The following ERBB4 variants were observed in gnomAD, a reference collection of about 807,000 sequenced individuals.
ERBB4 encodes erb-b2 receptor tyrosine kinase 4.
In ERBB4, 42 loss-of-function variants were observed where a neutral mutation model predicts 158.0. That is an observed-to-expected ratio of 0.27 (90% CI 0.21 to 0.34). The LOEUF (loss-of-function observed/expected upper bound fraction) is 0.34. ERBB4 is among the 10% of genes least tolerant of loss of function. ERBB4 has a pLI of 1.00. For missense variants in ERBB4, 1,333 were observed against 1,624.1 expected (o/e 0.82, Z 3.08); for synonymous variants, 583 against 558.7 (o/e 1.04, Z -0.61).
intron 12 of ERBB4, among the ~76,000 whole-genome samples, chr2:211,700,431 TA>T (rs1553613244): frequency 2.0e-5 from 3 of 152,152 alleles, no homozygotes; most frequent in Non-Finnish European, 4.4e-5. Context: ...TGAGAATGAG[TA>T]AGAACTTAAG....
At chr2:212,030,270 G>A (rs2125347115) in intron 2 of ERBB4, among the ~76,000 whole-genome samples, 1 of 152,002 alleles carries the variant, frequency 6.6e-6, no homozygotes, top group East Asian at 1.9e-4. Flanking sequence ...CTTTATCCAG[G>A]CTTCTTCTAA....
At chr2:212,279,607 T>C (rs1203179455) in intron 1 of ERBB4, among the ~76,000 whole-genome samples, 1 of 151,624 alleles carries the variant, frequency 6.6e-6, no homozygotes, top group Non-Finnish European at 1.5e-5. Flanking sequence ...GCTAACTTTG[T>C]CTTCAGATTA....
chr2:211,611,040 T>C (rs1255874188), intron 19 of ERBB4, among the ~76,000 whole-genome samples: 1 of 152,104 alleles, frequency 6.6e-6, no homozygotes, highest in Non-Finnish European at 1.5e-5. Flanking sequence ...GCTCAAATTT[T>C]AGGATCACTA....
chr2:212,388,217 G>A (rs2090742402), intron 1 of ERBB4, among the ~76,000 whole-genome samples: 2 of 152,098 alleles, frequency 1.3e-5, no homozygotes, highest in South Asian at 4.1e-4. Context: ...AGAAGTAAAT[G>A]ATTTTCTAGT....
chr2:212,075,024 C>G (rs1051191717), intron 2 of ERBB4, among the ~76,000 whole-genome samples: 3 of 151,700 alleles, frequency 2.0e-5, no homozygotes, highest in Admixed American at 6.6e-5. Context: ...AGAATCAAAC[C>G]CAAGTATTAG....
intron 1 of ERBB4, among the ~76,000 whole-genome samples, chr2:212,155,288 T>A (rs2081000746): frequency 6.6e-6 from 1 of 151,984 alleles, no homozygotes; most frequent in Non-Finnish European, 1.5e-5. Flanking sequence ...CATATATTTA[T>A]TTAAATAATA....
At chr2:211,435,350 T>TTAAAG (rs144730826) in intron 20 of ERBB4, among the ~76,000 whole-genome samples, 1,614 of 152,274 alleles carry the variant, frequency 0.011, 34 homozygotes, top group African/African-American at 0.037. Flanking sequence ...ACAGCGGTCA[T>TTAAAG]TAAAGTAAAT....
At chr2:211,393,740 CGTGTGTGTGTGTGTGTGT>C (rs58472959) in intron 25 of ERBB4, among the ~76,000 whole-genome samples, 179 of 146,350 alleles carry the variant, frequency 1.2e-3, no homozygotes, top group African/African-American at 4.0e-3. Context: ...GAGTTAATAG[CGTGTGTGTGTGTGTGTGT>C]GTGTGTGTGT....
intron 1 of ERBB4, among the ~76,000 whole-genome samples, chr2:212,274,023 CAT>C (rs1395226469): frequency 6.6e-6 from 1 of 151,752 alleles, no homozygotes; most frequent in African/African-American, 2.4e-5. Flanking sequence ...AGTAGATTAA[CAT>C]ATATTTTGCA....
chr2:211,866,362 T>C (rs2078206185), intron 3 of ERBB4, among the ~76,000 whole-genome samples: 1 of 152,230 alleles, frequency 6.6e-6, no homozygotes, highest in South Asian at 2.1e-4. Context: ...GATGTTTTCC[T>C]ATTTTGTAAT....
intron 1 of ERBB4, among the ~76,000 whole-genome samples, chr2:212,135,070 G>C (rs927135350): frequency 1.3e-5 from 2 of 152,016 alleles, no homozygotes; most frequent in Non-Finnish European, 2.9e-5. Flanking sequence ...TTGTACCTAT[G>C]GAAGACATAG....
chr2:212,482,033 T>A (rs76849460), intron 1 of ERBB4, among the ~76,000 whole-genome samples: 3,352 of 152,272 alleles, frequency 0.022, 104 homozygotes, highest in South Asian at 0.084. Flanking sequence ...CACATCCCAC[T>A]TCTCTATAAA....
intron 1 of ERBB4, among the ~76,000 whole-genome samples, chr2:212,200,026 T>C (rs1035406690): frequency 6.6e-6 from 1 of 152,212 alleles, no homozygotes; most frequent in Non-Finnish European, 1.5e-5. Context: ...AAAAGTTTAC[T>C]GAAAATCCTC....
chr2:212,467,069 G>A (rs923905955), intron 1 of ERBB4, among the ~76,000 whole-genome samples: 7 of 152,118 alleles, frequency 4.6e-5, no homozygotes, highest in African/African-American at 7.2e-5. Context: ...GGTATCTGGC[G>A]GAAGACATAT....
intron 13 of ERBB4, 60 bp downstream of exon 13, chr2:211,678,988 AAAAT>A (rs111953205): frequency 3.0e-6 from 4 of 1,338,472 alleles, no homozygotes; most frequent in Non-Finnish European, 4.1e-6. Flanking sequence ...AAAAAAAAAA[AAAAT>A]CAGAACTAAT....
At chr2:211,509,705 G>A (rs1011863612) in intron 20 of ERBB4, among the ~76,000 whole-genome samples, 1 of 151,964 alleles carries the variant, frequency 6.6e-6, no homozygotes, top group African/African-American at 2.4e-5. Context: ...TCCAACAAAG[G>A]AGTAATATCC....
intron 7 of ERBB4, among the ~76,000 whole-genome samples, chr2:211,715,883 T>C (rs939297134): frequency 4.6e-5 from 7 of 152,172 alleles, no homozygotes; most frequent in Admixed American, 3.9e-4. Context: ...AACCAACTAA[T>C]ACATCTTGGG....
intron 2 of ERBB4, among the ~76,000 whole-genome samples, chr2:212,078,587 T>A (rs1478586951): frequency 6.6e-6 from 1 of 151,922 alleles, no homozygotes; most frequent in Non-Finnish European, 1.5e-5. Flanking sequence ...TATATGTAAT[T>A]AATTTTGTGG....
At chr2:211,943,167 T>A (rs1312211420) in intron 3 of ERBB4, among the ~76,000 whole-genome samples, 1 of 151,958 alleles carries the variant, frequency 6.6e-6, no homozygotes, top group Non-Finnish European at 1.5e-5. Context: ...TAGTAACAGA[T>A]GAGGTGATTT....
Sources: allele counts gnomAD v4.1 joint callset (sites outside exome capture counted in the v4.1 genomes callset), GRCh38; gene constraint gnomAD v4.1.1; transcripts MANE v1.5; gene names NCBI Gene and HGNC (gene_info 2026-07-23, HGNC 2026-07-21).